Variants in PLPPR1 observed in about 807,000 individuals in gnomAD.
The protein encoded by PLPPR1 is phospholipid phosphatase-related protein type 1.
PLPPR1 carries 10 observed loss-of-function variants against 33.1 expected under a neutral mutation model. That is an observed-to-expected ratio of 0.30 (90% CI 0.19 to 0.51). The LOEUF (loss-of-function observed/expected upper bound fraction) is 0.51. Ranked by LOEUF, PLPPR1 falls within the 20% of genes least tolerant of loss-of-function variation. The pLI, the probability that PLPPR1 is intolerant of heterozygous loss-of-function variation, is 0.97. For missense variants in PLPPR1, 304 were observed against 408.1 expected (o/e 0.74, Z 2.20); for synonymous variants, 151 against 151.0 (o/e 1.00, Z 0.00).
At chr9:101,230,890 A>AT (rs937650229) in intron 2 of PLPPR1, among the ~76,000 whole-genome samples, 10 of 143,860 alleles carry the variant, frequency 7.0e-5, no homozygotes, top group African/African-American at 1.1e-4. Context: ...AAATTTATTT[A>AT]TTTTTTTTCC....
intron 1 of PLPPR1, among the ~76,000 whole-genome samples, chr9:101,124,643 C>G (rs1395653472): frequency 6.6e-6 from 1 of 152,168 alleles, no homozygotes; most frequent in Admixed American, 6.5e-5. Flanking sequence ...ACAGGGAAAG[C>G]AAATCAAGGC....
chr9:101,097,692 G>T (rs558042277), intron 1 of PLPPR1, among the ~76,000 whole-genome samples: 2 of 152,270 alleles, frequency 1.3e-5, no homozygotes, highest in African/African-American at 4.8e-5. Flanking sequence ...CCAAGGACCA[G>T]AGACACACAA....
rs558597295 is a variant in PLPPR1 at position 101,281,298 on chromosome 9, G to A, written c.253-4806G>A. 5.3e-5 allele frequency among the ~76,000 whole-genome samples: 8 copies of A among 152,102 alleles called. No homozygotes were observed. In the South Asian group the frequency reaches 1.4e-3, roughly 28 times the overall value. On this transcript the variant is annotated intron_variant, in intron 3 of 7. Coordinates refer to ENST00000374874, the MANE Select transcript of PLPPR1 (RefSeq NM_207299.2). ...AAATTAAAAGACATTTCATGTTTGTGGATTAGAAGAATATTGTTAAAATGC... is the reference window on the plus strand; with the variant it reads ...AAATTAAAAGACATTTCATGTTTGTAGATTAGAAGAATATTGTTAAAATGC...
At chr9:101,308,419 A>G (rs776392877) in intron 4 of PLPPR1, among the ~76,000 whole-genome samples, 1 of 152,326 alleles carries the variant, frequency 6.6e-6, no homozygotes, top group Non-Finnish European at 1.5e-5. Context: ...AGCCCTGCCA[A>G]TGCTTTGAGT....
At position 101,324,109 on chromosome 9, in the gene PLPPR1, C is replaced by A. The variant is rs370522441; in HGVS notation, c.*52C>A. ...TTTAAAATCATCTTCCAATTCTATA[C>A]TTCAAAACACACAGTTGCTCAATGT... On this transcript the variant is annotated 3_prime_UTR_variant, in exon 8 of 8. Transcript: ENST00000374874. 8.4e-5 allele frequency: 122 copies of A among 1,449,968 alleles called. No individual in the cohort carries two copies. In the East Asian group the frequency reaches 2.7e-3, roughly 32 times the overall value. 89.8% of individuals were successfully genotyped at this position (1,449,968 alleles called of 1,614,324 possible).
chr9:101,278,606 T>C (rs1468829348), intron 3 of PLPPR1, among the ~76,000 whole-genome samples: 1 of 152,118 alleles, frequency 6.6e-6, no homozygotes, highest in African/African-American at 2.4e-5. Flanking sequence ...AGAACAGGAC[T>C]TTGCCTTGGA....
At chr9:101,059,020 G>GA (rs1830311300) in intron 1 of PLPPR1, among the ~76,000 whole-genome samples, 1 of 152,116 alleles carries the variant, frequency 6.6e-6, no homozygotes, top group South Asian at 2.1e-4. Flanking sequence ...GGTGGGGGGA[G>GA]AACTAAAATT....
intron 1 of PLPPR1, among the ~76,000 whole-genome samples, chr9:101,093,001 G>C (rs1830766564): frequency 6.6e-6 from 1 of 152,064 alleles, no homozygotes; most frequent in South Asian, 2.1e-4. Context: ...ATAGCACTGT[G>C]GTCTAGGACT....
intron 4 of PLPPR1, among the ~76,000 whole-genome samples, chr9:101,291,426 G>A (rs1828504838): frequency 6.6e-6 from 1 of 152,208 alleles, no homozygotes; most frequent in Admixed American, 6.5e-5. Flanking sequence ...TGACAGCTTT[G>A]AAAAGAGCAG....
chr9:101,101,923 G>A (rs1411693137), intron 1 of PLPPR1, among the ~76,000 whole-genome samples: 1 of 151,922 alleles, frequency 6.6e-6, no homozygotes, highest in Non-Finnish European at 1.5e-5. Context: ...AAGAGTACTT[G>A]CAAATACAAG....
chr9:101,274,994 C>T (rs1828162725), intron 3 of PLPPR1, among the ~76,000 whole-genome samples: 1 of 152,216 alleles, frequency 6.6e-6, no homozygotes, highest in Non-Finnish European at 1.5e-5. Context: ...TTGGAGGCTT[C>T]CAAACTCCCA....
At chr9:101,177,094 C>T (rs1489955758) in intron 1 of PLPPR1, among the ~76,000 whole-genome samples, 3 of 152,076 alleles carry the variant, frequency 2.0e-5, no homozygotes, top group Non-Finnish European at 2.9e-5. Flanking sequence ...ATTGCTTTGG[C>T]GATTTGGGTC....
intron 2 of PLPPR1, among the ~76,000 whole-genome samples, chr9:101,227,588 G>T (rs1282150472): frequency 6.6e-6 from 1 of 152,012 alleles, no homozygotes; most frequent in Non-Finnish European, 1.5e-5. Context: ...TCTGTATGTT[G>T]CCTGTCTTTA....
chr9:101,283,752 G>A (rs770573725), intron 3 of PLPPR1, among the ~76,000 whole-genome samples: 8 of 151,886 alleles, frequency 5.3e-5, no homozygotes, highest in Admixed American at 2.0e-4. Flanking sequence ...TAAACCATAT[G>A]TCTAATAAAG....
intron 3 of PLPPR1, among the ~76,000 whole-genome samples, chr9:101,282,670 C>T (rs938343130): frequency 1.3e-5 from 2 of 152,156 alleles, no homozygotes; most frequent in Non-Finnish European, 2.9e-5. Flanking sequence ...GAAGACTCTA[C>T]TGAAAACTGT....
At chr9:101,278,118 C>G (rs1019747808) in intron 3 of PLPPR1, among the ~76,000 whole-genome samples, 6 of 152,182 alleles carry the variant, frequency 3.9e-5, no homozygotes, top group African/African-American at 1.4e-4. Context: ...TCTGGGAATT[C>G]TAAATGCCCT....
chr9:101,151,757 G>T (rs968016513), intron 1 of PLPPR1, among the ~76,000 whole-genome samples: 7 of 152,080 alleles, frequency 4.6e-5, no homozygotes, highest in African/African-American at 1.7e-4. Context: ...GTCGAACATG[G>T]CCTCAGAATC....
At chr9:101,097,087 TG>T (rs1380354152) in intron 1 of PLPPR1, among the ~76,000 whole-genome samples, 2 of 152,098 alleles carry the variant, frequency 1.3e-5, no homozygotes, top group African/African-American at 2.4e-5. Context: ...GGAGAACAGC[TG>T]AATGAGGGTG....
intron 1 of PLPPR1, among the ~76,000 whole-genome samples, chr9:101,034,097 G>A (rs1273277844): frequency 6.6e-6 from 1 of 152,086 alleles, no homozygotes; most frequent in Non-Finnish European, 1.5e-5. Flanking sequence ...ATGAAGTCTA[G>A]CAGGGGAAAG....
Sources: gnomAD v4.1 joint callset for allele counts (sites outside exome capture counted in the v4.1 genomes callset) on GRCh38, gnomAD v4.1.1 for gene constraint, MANE v1.5 for transcripts, NCBI Gene and HGNC (gene_info 2026-07-23, HGNC 2026-07-21) for gene names.